The following KDM5C variants were observed in gnomAD, a reference collection of about 807,000 sequenced individuals.
The protein encoded by KDM5C is lysine demethylase 5C, also known as lysine-specific demethylase 5C.
A neutral mutation model predicts 110.6 loss-of-function variants in KDM5C; 16 were observed. The observed-to-expected ratio is 0.14, with a 90% confidence interval of 0.10 to 0.22. The LOEUF (loss-of-function observed/expected upper bound fraction) is 0.22, where lower values mean the gene tolerates loss of function less well. Among genes scored for constraint, KDM5C ranks in the 10% least tolerant of loss-of-function variants. KDM5C has a pLI of 1.00. For synonymous variants in KDM5C, 511 were observed against 520.4 expected (o/e 0.98, Z 0.24); for missense variants, 681 against 1,300.9 (o/e 0.52, Z 7.33).
At chrX:53,189,762 G>A (rs1934344516), downstream of KDM5C, among the ~76,000 whole-genome samples, 1 of 113,000 alleles carries the variant, frequency 8.8e-6, no homozygotes, top group African/African-American at 3.2e-5. Flanking sequence ...TGGCCTGGAA[G>A]TGGAGACAGA....
chrX:53,214,943 C>T, intron 7 of KDM5C, 96 bp from the exon 8 acceptor site: 2 of 967,629 alleles, frequency 2.1e-6, no homozygotes, highest in East Asian at 3.2e-5. Context: ...CATGCTAGGT[C>T]TGGAGCTCAA....
chrX:53,187,515 C>T (rs1934253619), downstream of KDM5C, among the ~76,000 whole-genome samples: 1 of 111,282 alleles, frequency 9.0e-6, no homozygotes, highest in African/African-American at 3.3e-5. Context: ...TCTCCCATTT[C>T]CCCTCTTTTT....
At chrX:53,198,384 T>C in intron 17 of KDM5C, 106 bp downstream of exon 17, 1 of 986,581 alleles carries the variant, frequency 1.0e-6, no homozygotes. Flanking sequence ...TTCCTGCTGA[T>C]GTCCATTCTG....
At chrX:53,191,377 G>A (rs1393910644), downstream of KDM5C, 1 of 175,322 alleles carries the variant, frequency 5.7e-6, no homozygotes, top group Non-Finnish European at 1.1e-5. Context: ...AATGGGATGA[G>A]GGGTAAAGGA....
chrX:53,202,111 C>G, intron 12 of KDM5C, 138 bp from the exon 13 acceptor site: 1 of 733,806 alleles, frequency 1.4e-6, no homozygotes, highest in South Asian at 2.3e-5. Context: ...GACTCTCCAA[C>G]TCTGAAAGGA....
intron 1 of KDM5C, among the ~76,000 whole-genome samples, chrX:53,222,958 G>A (rs782805462): frequency 8.9e-6 from 1 of 111,785 alleles, no homozygotes; most frequent in South Asian, 3.7e-4. Context: ...AAGGCCAGCT[G>A]CCTAAAGGTG....
At position 53,193,216 on chromosome X, in the gene KDM5C, C is replaced by T; in HGVS notation, c.4434G>A (p.Glu1478=). 1 of 1,209,913 alleles carries T rather than the reference C, an allele frequency of 8.3e-7. No homozygotes were observed. Among genetic ancestry groups the T allele is most frequent in the Non-Finnish European group, 1.1e-6 (1 of 895,349 alleles). Residue 1478 remains glutamate (E), a synonymous_variant, in exon 26 of 26, where the codon GAG becomes GAA. Coordinates refer to ENST00000375401, the MANE Select transcript of KDM5C (RefSeq NM_004187.5). ...GCCCTGAGCTCCGTACCCTCTTTGG[C>T]TCTAGCTCCTCTCGGGCTGGGTCAT... ...EGDDPAREEL[E]PKRVRSSGPE...
intron 1 of KDM5C, among the ~76,000 whole-genome samples, chrX:53,223,730 G>A (rs1186190127): frequency 9.0e-6 from 1 of 111,590 alleles, no homozygotes; most frequent in Non-Finnish European, 1.9e-5. Flanking sequence ...CTGACCCCTG[G>A]CAATCATGTT....
At chrX:53,178,695 G>A (rs1375390803) in intron 25 of KDM5C, among the ~76,000 whole-genome samples, 1 of 112,559 alleles carries the variant, frequency 8.9e-6, no homozygotes, top group African/African-American at 3.2e-5. Flanking sequence ...GAACATGTAA[G>A]TGCCCTTGGG....
chrX:53,213,588 T>G (rs1556850154), intron 8 of KDM5C, among the ~76,000 whole-genome samples: 1 of 111,525 alleles, frequency 9.0e-6, no homozygotes, highest in Non-Finnish European at 1.9e-5. Flanking sequence ...CCTATACCCA[T>G]AGTAGGCATG....
intron 12 of KDM5C, among the ~76,000 whole-genome samples, chrX:53,203,034 C>T (rs2073196736): frequency 9.0e-6 from 1 of 110,616 alleles, no homozygotes; most frequent in African/African-American, 3.3e-5. Context: ...TCTCGATCTC[C>T]TGACCTCGTG....
chrX:53,203,395 T>G (rs2073213729), intron 12 of KDM5C, among the ~76,000 whole-genome samples: 1 of 111,700 alleles, frequency 9.0e-6, no homozygotes, highest in South Asian at 3.8e-4. Flanking sequence ...TCAGGGAAAT[T>G]TTCTTGAGTG....
rs1267796568 is a variant in KDM5C at position 53,193,868 on chromosome X, G to C, written c.4039-17C>G. The C allele has an allele frequency of 1.3e-5, 15 of 1,188,470 alleles. No individual in the cohort carries two copies. Among genetic ancestry groups the C allele is most frequent in the East Asian group, 3.0e-5 (1 of 33,630 alleles). Reference sequence around the variant, plus strand: ...GCCCTGGACCTGCGGAGGAGAGCAAGAATAGGTAGGGGCAACTGAAGTGAA... The same window carrying C: ...GCCCTGGACCTGCGGAGGAGAGCAACAATAGGTAGGGGCAACTGAAGTGAA... On this transcript the variant is annotated splice_polypyrimidine_tract_variant and intron_variant, in intron 23 of 25. Coordinates refer to ENST00000375401, the MANE Select transcript of KDM5C (RefSeq NM_004187.5).
Position 53,193,100 on chromosome X carries a change from G to C in KDM5C, c.4550C>G (p.Pro1517Arg). The C allele has an allele frequency of 5.0e-6, 6 of 1,210,247 alleles. No individual in the cohort carries two copies. Among genetic ancestry groups the C allele is most frequent in the Non-Finnish European group, 6.7e-6 (6 of 894,815 alleles). ...PPAPIPTTGS[P>R]STQENQNGLE... ...GCCATTCTGGTTCTCCTGGGTGCTGGGGCTGCCAGTGGTGGGGATGGGTGC... is the reference window on the plus strand; with the variant it reads ...GCCATTCTGGTTCTCCTGGGTGCTGCGGCTGCCAGTGGTGGGGATGGGTGC... The change falls in exon 26 of 26, where the codon CCC (proline) becomes CGC (arginine). Residue 1517 changes from proline to arginine, a missense_variant. Physicochemically the swap from Pro to Arg is moderately radical, Grantham distance 103 (BLOSUM62 -2). Coordinates refer to ENST00000375401, the MANE Select transcript of KDM5C (RefSeq NM_004187.5).
At position 53,194,757 on chromosome X, in the gene KDM5C, G is replaced by A. The variant is rs1556835015; in HGVS notation, c.3439-19C>T. 8.3e-7 allele frequency: 1 copy of A among 1,209,596 alleles called. No homozygotes were observed. Among genetic ancestry groups the A allele is most frequent in the Admixed American group, 2.2e-5 (1 of 45,883 alleles). On this transcript the variant is annotated intron_variant, in intron 22 of 25. Coordinates refer to ENST00000375401, the MANE Select transcript of KDM5C (RefSeq NM_004187.5). ...CCACGATCTGCCATACCCAGGACAG[G>A]AGCAAAGTGGGTCAGCAGCCTACCC...
In KDM5C at chrX:53,224,974, C is replaced by A; in HGVS notation, c.-85G>T. Reference sequence around the variant, plus strand: ...GCGCCGCCGCTGTTTGAAGCCGAGGCAATGCTCGGAGGCTAGGCCCTAAGC... The same window carrying A: ...GCGCCGCCGCTGTTTGAAGCCGAGGAAATGCTCGGAGGCTAGGCCCTAAGC... On this transcript the variant is annotated 5_prime_UTR_variant, in exon 1 of 26. Transcript: ENST00000375401. 9.3e-7 allele frequency: 1 copy of A among 1,069,903 alleles called. No homozygotes were observed. Among genetic ancestry groups the A allele is most frequent in the African/African-American group, 1.9e-5 (1 of 53,481 alleles). The allele number at this position is 1,069,903 out of a possible 1,213,427, so 88.2% of individuals were successfully genotyped here.
intron 25 of KDM5C, among the ~76,000 whole-genome samples, chrX:53,178,670 G>A (rs1199624048): frequency 6.2e-5 from 7 of 112,280 alleles, no homozygotes. Flanking sequence ...AAAACCCCTA[G>A]AAGATAACAT....
At position 53,193,763 on chromosome X, in the gene KDM5C, C is replaced by T; in HGVS notation, c.4117+10G>A. ...AGTCAACAGCCTACCCACACCACAC[C>T]TAGACCTACCTCTCTTACCTGAGCC... On this transcript the variant is annotated intron_variant, in intron 24 of 25. Coordinates refer to ENST00000375401, the MANE Select transcript of KDM5C (RefSeq NM_004187.5). The T allele has an allele frequency of 8.3e-7, 1 of 1,203,752 alleles. No individual in the cohort carries two copies. The highest frequency in any genetic ancestry group is 3.0e-5 in the East Asian group (1 of 33,802).
intron 12 of KDM5C, 156 bp from the exon 13 acceptor site, chrX:53,202,129 C>T: frequency 1.7e-6 from 1 of 581,061 alleles, no homozygotes; most frequent in South Asian, 2.7e-5. Context: ...GGAAGGACCA[C>T]TGGTCTCTGC....
Sources: allele counts gnomAD v4.1 joint callset (sites outside exome capture counted in the v4.1 genomes callset), GRCh38; gene constraint gnomAD v4.1.1; transcripts MANE v1.5; gene names NCBI Gene and HGNC (gene_info 2026-07-23, HGNC 2026-07-21).